Variants in TMEM114 observed in about 807,000 individuals in gnomAD.
TMEM114 encodes claudin-26.
A neutral mutation model predicts 6.2 loss-of-function variants in TMEM114; 6 were observed. The observed-to-expected ratio is 0.97, with a 90% confidence interval of 0.53 to 1.91. The LOEUF is 1.91. TMEM114 is among the 40% of genes most tolerant of loss of function. The pLI, the probability that TMEM114 is intolerant of heterozygous loss-of-function variation, is 0.01. For synonymous variants in TMEM114, 104 were observed against 73.0 expected (o/e 1.42, Z -2.16); for missense variants, 218 against 158.3 (o/e 1.38, Z -2.02).
chr16:8,589,349 C>G, intron 1 of TMEM114, 56 bp from the exon 2 acceptor site: 1 of 398,858 alleles, frequency 2.5e-6, no homozygotes, highest in Non-Finnish European at 4.4e-6. Flanking sequence ...GTGCAGCACC[C>G]TCGTCTGCGG....
downstream of TMEM114, among the ~76,000 whole-genome samples, chr16:8,564,919 G>A (rs1901482688): frequency 6.6e-6 from 1 of 150,708 alleles, no homozygotes; most frequent in Non-Finnish European, 1.5e-5. Flanking sequence ...ATGAGTGACT[G>A]AGTGAGGGAA....
At chr16:8,529,303 G>A in the TMEM114 span, among the ~76,000 whole-genome samples, 1 of 152,190 alleles carries the variant, frequency 6.6e-6, no homozygotes, top group Non-Finnish European at 1.5e-5. Context: ...AAATGGTTCT[G>A]ACCAGGACTC....
intron 2 of TMEM114, among the ~76,000 whole-genome samples, chr16:8,575,239 A>G (rs993576993): frequency 6.6e-5 from 10 of 152,242 alleles, no homozygotes; most frequent in African/African-American, 2.4e-4. Flanking sequence ...TGGCAAAATA[A>G]GAGTAAAAAC....
chr16:8,536,083 G>C (rs58767297), downstream of TMEM114, among the ~76,000 whole-genome samples: 18 of 151,928 alleles, frequency 1.2e-4, no homozygotes, highest in African/African-American at 4.1e-4. Context: ...AAATCAGCTG[G>C]GTGTGGTGAC....
chr16:8,562,271 A>C (rs1480891175), intron 2 of TMEM114, among the ~76,000 whole-genome samples: 2 of 122,380 alleles, frequency 1.6e-5, no homozygotes, highest in South Asian at 5.0e-4. Context: ...TGAGGGAGGG[A>C]GGGAATGAGT....
chr16:8,532,196 C>A, the TMEM114 span, among the ~76,000 whole-genome samples: 3 of 152,104 alleles, frequency 2.0e-5, no homozygotes, highest in Non-Finnish European at 4.4e-5. Context: ...TGAAACAATG[C>A]GTAGGCTGCT....
At chr16:8,563,649 G>GTGA (rs1901377936) in intron 2 of TMEM114, among the ~76,000 whole-genome samples, 1 of 151,394 alleles carries the variant, frequency 6.6e-6, no homozygotes, top group Non-Finnish European at 1.5e-5. Flanking sequence ...AAATGAGTGA[G>GTGA]TGAATGAGTG....
At chr16:8,536,097 C>A (rs527900704), downstream of TMEM114, among the ~76,000 whole-genome samples, 1 of 152,050 alleles carries the variant, frequency 6.6e-6, no homozygotes, top group South Asian at 2.1e-4. Flanking sequence ...TGGTGACGTG[C>A]ACCTGTAATC....
At chr16:8,565,215 A>G (rs570024625), downstream of TMEM114, among the ~76,000 whole-genome samples, 1 of 152,274 alleles carries the variant, frequency 6.6e-6, no homozygotes, top group East Asian at 1.9e-4. Flanking sequence ...GAATAAATGA[A>G]TAAGTGAGTG....
intron 2 of TMEM114, among the ~76,000 whole-genome samples, chr16:8,559,356 G>C (rs1346309092): frequency 6.6e-6 from 1 of 152,140 alleles, no homozygotes; most frequent in Non-Finnish European, 1.5e-5. Context: ...ATTCCACCCA[G>C]TTCTGAGACT....
At chr16:8,553,446 G>C (rs1190542745) in intron 2 of TMEM114, among the ~76,000 whole-genome samples, 1 of 152,068 alleles carries the variant, frequency 6.6e-6, no homozygotes, top group Non-Finnish European at 1.5e-5. Flanking sequence ...GCCCAGGCTG[G>C]AGTGCAGTGG....
At chr16:8,566,138 A>G (rs998897663), downstream of TMEM114, among the ~76,000 whole-genome samples, 1 of 152,202 alleles carries the variant, frequency 6.6e-6, no homozygotes, top group Non-Finnish European at 1.5e-5. Flanking sequence ...TGGGAGGCCA[A>G]GGTAGGTGGA....
chr16:8,589,136 G>C, intron 2 of TMEM114, 77 bp downstream of exon 2: 1 of 397,942 alleles, frequency 2.5e-6, no homozygotes, highest in Non-Finnish European at 4.4e-6. Flanking sequence ...CCCGAAGCCC[G>C]GCTGTTTTGG....
chr16:8,544,172 A>C (rs60712886), intron 2 of TMEM114, among the ~76,000 whole-genome samples: 3,800 of 152,310 alleles, frequency 0.025, 165 homozygotes, highest in African/African-American at 0.087. Context: ...AACTTTATAT[A>C]GGCAAGCTGC....
intron 2 of TMEM114, among the ~76,000 whole-genome samples, chr16:8,574,598 T>TTTCTTTCC (rs1901856031): frequency 6.7e-6 from 1 of 150,212 alleles, no homozygotes. Context: ...TCTTTCTTTC[T>TTTCTTTCC]TTCTTTCTTT....
intron 2 of TMEM114, among the ~76,000 whole-genome samples, chr16:8,558,393 C>T (rs1901085476): frequency 6.6e-6 from 1 of 152,198 alleles, no homozygotes; most frequent in Admixed American, 6.5e-5. Context: ...AGCATCTCTC[C>T]AACCCCTGCC....
intron 2 of TMEM114, among the ~76,000 whole-genome samples, chr16:8,559,152 C>A (rs1287273432): frequency 6.6e-6 from 1 of 152,134 alleles, no homozygotes. Context: ...AAGTGATTGT[C>A]CTGCCTCAGC....
chr16:8,563,639 AAATGAGTG>A (rs1901376671), intron 2 of TMEM114, among the ~76,000 whole-genome samples: 2 of 123,920 alleles, frequency 1.6e-5, no homozygotes, highest in Non-Finnish European at 3.3e-5. Context: ...GTGAATGAGT[AAATGAGTG>A]AGTGAATGAG....
intron 2 of TMEM114, among the ~76,000 whole-genome samples, chr16:8,576,878 G>A (rs28576148): frequency 9.2e-5 from 14 of 152,218 alleles, no homozygotes; most frequent in Admixed American, 8.5e-4. Flanking sequence ...TTATAATTCA[G>A]AAAGGAAGTT....
Sources: allele counts gnomAD v4.1 joint callset (sites outside exome capture counted in the v4.1 genomes callset), GRCh38; gene constraint gnomAD v4.1.1; transcripts MANE v1.5; gene names NCBI Gene and HGNC (gene_info 2026-07-23, HGNC 2026-07-21).